RBM46: variants seen among roughly 807,000 people sequenced by gnomAD.
RBM46 encodes probable RNA-binding protein 46.
In RBM46, 12 loss-of-function variants were observed where a neutral mutation model predicts 43.3. That is an observed-to-expected ratio of 0.28 (90% CI 0.18 to 0.45). RBM46 has a LOEUF of 0.45. Among genes scored for constraint, RBM46 ranks in the 20% least tolerant of loss-of-function variants. The pLI, the probability that RBM46 is intolerant of heterozygous loss-of-function variation, is 1.00. For missense variants in RBM46, 412 were observed against 639.1 expected (o/e 0.64, Z 3.83); for synonymous variants, 205 against 207.6 (o/e 0.99, Z 0.11).
At chr4:154,807,850 G>T (rs1734979527) in intron 4 of RBM46, among the ~76,000 whole-genome samples, 1 of 151,896 alleles carries the variant, frequency 6.6e-6, no homozygotes, top group African/African-American at 2.4e-5. Context: ...ATGTATTAAT[G>T]ACATGCGGGT....
chr4:154,796,783 G>A lies in RBM46; in HGVS notation c.31G>A (p.Gly11Arg), dbSNP rs1734373909. 1.2e-6 allele frequency: 2 copies of A among 1,612,004 alleles called. No individual in the cohort carries two copies. Among genetic ancestry groups the A allele is most frequent in the Non-Finnish European group, 1.7e-6 (2 of 1,179,068 alleles). Residue 11 changes from glycine (G) to arginine (R), a missense_variant, in exon 2 of 5, where the codon GGA (glycine) becomes AGA (arginine). Gly to Arg is a moderately radical substitution (Grantham distance 125). Transcript: ENST00000281722. Reference protein sequence around the residue: MNEENIDGTNGCSKVRTGIQN... With the variant: MNEENIDGTNRCSKVRTGIQN... Reference sequence around the variant, plus strand: ...TGAAGAAAATATAGATGGAACAAATGGATGCAGTAAAGTTCGAACTGGTAT... The same window carrying A: ...TGAAGAAAATATAGATGGAACAAATAGATGCAGTAAAGTTCGAACTGGTAT...
Position 154,827,954 on chromosome 4 carries a change from A to G in RBM46, c.1489A>G (p.Thr497Ala), listed in dbSNP as rs775028218. 1.9e-6 allele frequency: 3 copies of G among 1,613,778 alleles called. No individual in the cohort carries two copies. The South Asian group carries it at 3.3e-5, about 18-fold the overall frequency. ...SSGTPSVLPY[T>A]SRPYSYPGYP... Reference sequence around the variant, plus strand: ...TGGGACTCCCAGCGTGCTTCCTTATACTTCAAGGCCTTATTCTTATCCAGG... The same window carrying G: ...TGGGACTCCCAGCGTGCTTCCTTATGCTTCAAGGCCTTATTCTTATCCAGG... The change falls in exon 5 of 5, where the codon ACT becomes GCT. Residue 497 changes from threonine (T) to alanine (A), a missense_variant. By Grantham distance (58) the Thr-to-Ala change is moderately conservative (BLOSUM62 0). Around this residue, in one of 8 missense-constraint regions of RBM46, gnomAD observed 149 missense variants for 156.3 expected, o/e 0.95. Transcript: ENST00000281722.
intron 4 of RBM46, 54 bp downstream of exon 4, chr4:154,799,618 A>G: frequency 8.2e-7 from 1 of 1,215,812 alleles, no homozygotes; most frequent in East Asian, 2.6e-5. Flanking sequence ...GAAATACTGT[A>G]GATTATTTTT....
chr4:154,807,270 G>A (rs1376363469), intron 4 of RBM46, among the ~76,000 whole-genome samples: 6 of 151,398 alleles, frequency 4.0e-5, no homozygotes, highest in Admixed American at 1.3e-4. Flanking sequence ...CCCTAAATAC[G>A]TATTTTTAAT....
At chr4:154,824,890 G>A (rs1735885552) in intron 4 of RBM46, among the ~76,000 whole-genome samples, 1 of 152,038 alleles carries the variant, frequency 6.6e-6, no homozygotes, top group African/African-American at 2.4e-5. Flanking sequence ...AGGTCTGTTG[G>A]CTGGAAAAGG....
At chr4:154,785,540 A>G (rs1733717730) in intron 1 of RBM46, among the ~76,000 whole-genome samples, 1 of 152,218 alleles carries the variant, frequency 6.6e-6, no homozygotes, top group African/African-American at 2.4e-5. Flanking sequence ...AAAAGTAATC[A>G]CAGTTTTTGC....
intron 1 of RBM46, among the ~76,000 whole-genome samples, chr4:154,793,972 T>G (rs980573885): frequency 1.3e-5 from 2 of 152,158 alleles, no homozygotes; most frequent in African/African-American, 4.8e-5. Context: ...CTAAAACCAG[T>G]TCTACTCAGT....
chr4:154,812,470 G>A (rs1409108472), intron 4 of RBM46, among the ~76,000 whole-genome samples: 1 of 152,126 alleles, frequency 6.6e-6, no homozygotes, highest in Non-Finnish European at 1.5e-5. Flanking sequence ...AATGGCATGT[G>A]TCAAGGTGGC....
chr4:154,818,788 GTA>G (rs764668618), intron 4 of RBM46, among the ~76,000 whole-genome samples: 1 of 152,028 alleles, frequency 6.6e-6, no homozygotes, highest in Non-Finnish European at 1.5e-5. Flanking sequence ...ATGTCAGTCT[GTA>G]TATTTTCTTA....
chr4:154,806,401 GGATTT>G (rs1441529850), intron 4 of RBM46, among the ~76,000 whole-genome samples: 1 of 151,594 alleles, frequency 6.6e-6, no homozygotes, highest in Non-Finnish European at 1.5e-5. Context: ...TAAAATATCA[GGATTT>G]TATTTAGTAA....
chr4:154,807,622 A>G (rs1475594744), intron 4 of RBM46, among the ~76,000 whole-genome samples: 1 of 151,898 alleles, frequency 6.6e-6, no homozygotes, highest in Non-Finnish European at 1.5e-5. Context: ...TTACTAGTTA[A>G]TATCTGATAT....
At chr4:154,810,524 A>G (rs958957721) in intron 4 of RBM46, among the ~76,000 whole-genome samples, 3 of 152,134 alleles carry the variant, frequency 2.0e-5, no homozygotes, top group Admixed American at 2.0e-4. Context: ...CACGTGGAAA[A>G]AAGACTTTAG....
rs1207749273 is a variant in RBM46 at position 154,827,675 on chromosome 4, T to C, written c.1403-193T>C. 4 of 1,407,610 alleles carry C rather than the reference T, an allele frequency of 2.8e-6. No individual in the cohort carries two copies. In the East Asian group the frequency reaches 1.0e-4, roughly 37 times the overall value. The allele number at this position is 1,407,610 out of a possible 1,614,324, so 87.2% of individuals were successfully genotyped here. A position where few individuals can be genotyped will look rare whatever the true frequency, so the allele number is the denominator to read the frequency against. The stretch of plus-strand genomic sequence containing the variant: ...CATTGCGTGAGTAAAGGAAAGGTAA[T>C]ACTGACAAAACTCTCAGGATTTGCA... On this transcript the variant is annotated intron_variant, in intron 4 of 4. Transcript: ENST00000281722.
chr4:154,826,739 C>CTTTTTTTTT, intron 4 of RBM46: 2 of 933,636 alleles, frequency 2.1e-6, no homozygotes, highest in Non-Finnish European at 3.1e-6. Context: ...TTCATTTTTC[C>CTTTTTTTTT]TTTTTTTTTT....
At chr4:154,783,594 G>A (rs891312881) in intron 1 of RBM46, among the ~76,000 whole-genome samples, 1 of 152,204 alleles carries the variant, frequency 6.6e-6, no homozygotes, top group Non-Finnish European at 1.5e-5. Flanking sequence ...AGGACCTTGT[G>A]TAAGGAATGG....
In RBM46 at chr4:154,827,967, A is replaced by T; in HGVS notation, c.1502A>T (p.Tyr501Phe). Residue 501 changes from tyrosine (Y) to phenylalanine (F), a missense_variant, in exon 5 of 5, where the codon TAT (tyrosine) becomes TTT (phenylalanine). Around this residue, in one of 8 missense-constraint regions of RBM46, gnomAD observed 149 missense variants for 156.3 expected, o/e 0.95. Transcript: ENST00000281722. ...PSVLPYTSRP[Y>F]SYPGYPLSPT... ...GTGCTTCCTTATACTTCAAGGCCTT[A>T]TTCTTATCCAGGCTATCCTTTGTCA... 2 of 1,613,908 alleles carry T rather than the reference A, an allele frequency of 1.2e-6. No individual in the cohort carries two copies. Among genetic ancestry groups the T allele is most frequent in the Non-Finnish European group, 1.7e-6 (2 of 1,179,856 alleles).
At chr4:154,796,327 A>C (rs1161433785) in intron 1 of RBM46, among the ~76,000 whole-genome samples, 1 of 152,224 alleles carries the variant, frequency 6.6e-6, no homozygotes, top group Non-Finnish European at 1.5e-5. Flanking sequence ...TGTAAGCCAC[A>C]GGAAAATCCA....
At chr4:154,823,025 A>G (rs74718537) in intron 4 of RBM46, among the ~76,000 whole-genome samples, 3,487 of 151,954 alleles carry the variant, frequency 0.023, 129 homozygotes, top group African/African-American at 0.08. Flanking sequence ...AAACAACCCA[A>G]ATACCTATCA....
intron 4 of RBM46, among the ~76,000 whole-genome samples, chr4:154,805,885 AT>A (rs1057105381): frequency 1.1e-4 from 17 of 151,990 alleles, no homozygotes; most frequent in Non-Finnish European, 2.1e-4. Flanking sequence ...ACTTTTCAGA[AT>A]TTTTTTCCAG....
Sources: allele counts gnomAD v4.1 joint callset (sites outside exome capture counted in the v4.1 genomes callset), GRCh38; gene constraint gnomAD v4.1.1; regional missense constraint gnomAD v4.1.1; transcripts MANE v1.5; gene names NCBI Gene and HGNC (gene_info 2026-07-23, HGNC 2026-07-21).